ANKS1B: variants seen among roughly 807,000 people sequenced by gnomAD.
ANKS1B encodes ankyrin repeat and sterile alpha motif domain-containing protein 1B.
A neutral mutation model predicts 148.3 loss-of-function variants in ANKS1B; 36 were observed. The ratio of observed to expected loss-of-function variants is 0.24; its 90% CI spans 0.19 to 0.32. The LOEUF (loss-of-function observed/expected upper bound fraction) is 0.32, where lower values mean the gene tolerates loss of function less well. Among genes scored for constraint, ANKS1B ranks in the 10% least tolerant of loss-of-function variants. The pLI is 1.00. For synonymous variants in ANKS1B, 542 were observed against 560.8 expected, an observed-to-expected ratio of 0.97 and a Z score of 0.47; for missense variants, 1,157 against 1,542.6, an observed-to-expected ratio of 0.75 and a Z score of 4.19.
chr12:98,980,410 G>A (rs1006344746), intron 17 of ANKS1B, among the ~76,000 whole-genome samples: 2 of 152,192 alleles, frequency 1.3e-5, no homozygotes, highest in African/African-American at 4.8e-5. Context: ...GTTTCACCGT[G>A]TTAGCCAGGA....
intron 17 of ANKS1B, among the ~76,000 whole-genome samples, chr12:98,925,325 C>G (rs923467153): frequency 3.9e-5 from 6 of 152,160 alleles, no homozygotes; most frequent in Non-Finnish European, 5.9e-5. Flanking sequence ...AATCTATACT[C>G]CGGCTACACA....
intron 10 of ANKS1B, among the ~76,000 whole-genome samples, chr12:99,503,570 T>C (rs79408104): frequency 1.3e-5 from 2 of 152,130 alleles, no homozygotes; most frequent in East Asian, 3.9e-4. Context: ...ATTTCCCTCT[T>C]GCACCTGCTT....
chr12:98,882,407 TAGTC>T (rs1386873341), intron 17 of ANKS1B, among the ~76,000 whole-genome samples: 10 of 152,304 alleles, frequency 6.6e-5, no homozygotes, highest in Admixed American at 2.0e-4. Context: ...GCAGTATAAT[TAGTC>T]AGAAAGGTAT....
chr12:99,897,365 T>C (rs1363457892), intron 1 of ANKS1B, among the ~76,000 whole-genome samples: 1 of 151,214 alleles, frequency 6.6e-6, no homozygotes, highest in Non-Finnish European at 1.5e-5. Context: ...TATATGGGTA[T>C]ATGTGTGTAT....
chr12:99,407,887 T>C (rs2094569170), intron 11 of ANKS1B, among the ~76,000 whole-genome samples: 1 of 146,148 alleles, frequency 6.8e-6, no homozygotes. Flanking sequence ...ACTTTCTGGA[T>C]TGGTAGAATA....
chr12:99,694,217 CTG>C (rs1400413080), intron 8 of ANKS1B, among the ~76,000 whole-genome samples: 1 of 150,518 alleles, frequency 6.6e-6, no homozygotes, highest in Non-Finnish European at 1.5e-5. Context: ...GGGCAGATCA[CTG>C]TGTGTGGTCA....
At chr12:99,927,740 C>G (rs548500773) in intron 1 of ANKS1B, among the ~76,000 whole-genome samples, 114 of 152,126 alleles carry the variant, frequency 7.5e-4, no homozygotes, top group Admixed American at 1.3e-3. Context: ...TATGATGGCA[C>G]CACTGCACTC....
At chr12:98,898,391 C>A (rs1489760247) in intron 17 of ANKS1B, among the ~76,000 whole-genome samples, 3 of 152,056 alleles carry the variant, frequency 2.0e-5, no homozygotes, top group Non-Finnish European at 4.4e-5. Context: ...ACTTTTTACT[C>A]TATGGCACTA....
At chr12:99,228,515 T>C (rs2086317391) in intron 14 of ANKS1B, among the ~76,000 whole-genome samples, 1 of 151,894 alleles carries the variant, frequency 6.6e-6, no homozygotes, top group Non-Finnish European at 1.5e-5. Context: ...ACATTGAACA[T>C]TTACAAGAAG....
At chr12:99,711,656 C>G (rs145082632) in intron 8 of ANKS1B, among the ~76,000 whole-genome samples, 4 of 152,016 alleles carry the variant, frequency 2.6e-5, no homozygotes, top group Admixed American at 6.6e-5. Context: ...GATACCATCT[C>G]GCACCAATCA....
At chr12:99,152,530 CT>C (rs2075211223) in intron 15 of ANKS1B, among the ~76,000 whole-genome samples, 1 of 152,102 alleles carries the variant, frequency 6.6e-6, no homozygotes, top group Non-Finnish European at 1.5e-5. Context: ...TTTACGATCT[CT>C]CTTTGAATGC....
chr12:98,817,728 CT>C (rs2099153037), intron 19 of ANKS1B, among the ~76,000 whole-genome samples: 1 of 152,210 alleles, frequency 6.6e-6, no homozygotes, highest in African/African-American at 2.4e-5. Flanking sequence ...CCCACTGACC[CT>C]TTTTATAAAA....
Position 98,774,027 on chromosome 12 carries a change from C to T in ANKS1B, c.3442-848G>A, listed in dbSNP as rs181115034. 2.7e-3 allele frequency among the ~76,000 whole-genome samples: 406 copies of T among 152,288 alleles called. 1 individual carries two copies. The highest frequency in any genetic ancestry group is 4.3e-3 in the Non-Finnish European group (295 of 68,024). On this transcript the variant is annotated intron_variant, in intron 24 of 26. Coordinates refer to ENST00000683438, the MANE Select transcript of ANKS1B (RefSeq NM_001352186.2). ...GGTGGAAGCCTCAAGGTGCTTTCTC[C>T]GTGGAAACTAAGGTGCAGGGGCCTG... is the stretch of plus-strand genomic sequence containing the variant.
Position 99,379,427 on chromosome 12 carries a change from C to T in ANKS1B, c.1756+20204G>A, listed in dbSNP as rs185495620. The stretch of plus-strand genomic sequence containing the variant: ...TTGTAAATCAGACATGACAATAGTA[C>T]TTACCTAGGGTTGTTGTGAGAATTA... On this transcript the variant is annotated intron_variant, in intron 12 of 26. Coordinates refer to ENST00000683438, the MANE Select transcript of ANKS1B (RefSeq NM_001352186.2). Among the ~76,000 whole-genome samples the T allele has an allele frequency of 2.1e-3, 324 of 152,272 alleles. 4 individuals carry two copies. Among genetic ancestry groups the T allele is most frequent in the Middle Eastern group, 0.02 (6 of 294 alleles).
intron 17 of ANKS1B, among the ~76,000 whole-genome samples, chr12:98,843,876 T>A (rs2099428120): frequency 6.6e-6 from 1 of 152,172 alleles, no homozygotes; most frequent in Non-Finnish European, 1.5e-5. Flanking sequence ...AAATTCCCTT[T>A]CCTTCAATAC....
intron 9 of ANKS1B, among the ~76,000 whole-genome samples, chr12:99,644,520 T>A (rs2372898): frequency 1.3e-5 from 2 of 151,974 alleles, no homozygotes; most frequent in Admixed American, 1.3e-4. Context: ...GCATCTTTAA[T>A]GTCCATATTT....
intron 14 of ANKS1B, among the ~76,000 whole-genome samples, chr12:99,231,944 C>G (rs1442103076): frequency 6.6e-6 from 1 of 152,000 alleles, no homozygotes; most frequent in Non-Finnish European, 1.5e-5. Context: ...GATCAGGAAG[C>G]CAGAGAGCAT....
chr12:99,841,292 G>C (rs531359253), intron 1 of ANKS1B, among the ~76,000 whole-genome samples: 182 of 152,070 alleles, frequency 1.2e-3, no homozygotes, highest in Admixed American at 2.3e-3. Flanking sequence ...TTTCACGATG[G>C]TCATACAGCT....
At chr12:99,369,796 G>A (rs1445823897) in intron 12 of ANKS1B, among the ~76,000 whole-genome samples, 29 of 110,694 alleles carry the variant, frequency 2.6e-4, no homozygotes, top group African/African-American at 4.0e-4. Context: ...ATAGATGGAC[G>A]GACGGACAGA....
Sources: allele counts gnomAD v4.1 joint callset (sites outside exome capture counted in the v4.1 genomes callset), GRCh38; gene constraint gnomAD v4.1.1; transcripts MANE v1.5; gene names NCBI Gene and HGNC (gene_info 2026-07-23, HGNC 2026-07-21).